The following TDRD10 variants were observed in gnomAD, a reference collection of about 807,000 sequenced individuals.
TDRD10 encodes tudor domain-containing protein 10.
Under a neutral mutation model 48.0 loss-of-function variants are expected in TDRD10, and 40 were observed. That is an observed-to-expected ratio of 0.83 (90% CI 0.65 to 1.09). The LOEUF is 1.09. TDRD10 is among the 50% of genes least tolerant of loss of function. The probability of loss-of-function intolerance (pLI) is 0.00; values close to 1 mark genes in which losing one functional copy is unlikely to be tolerated. For synonymous variants in TDRD10, 162 were observed against 170.4 expected (o/e 0.95, Z 0.38); for missense variants, 378 against 434.7 (o/e 0.87, Z 1.16).
intron 4 of TDRD10, among the ~76,000 whole-genome samples, chr1:154,510,045 C>G (rs140566914): frequency 1.6e-4 from 24 of 152,218 alleles, no homozygotes; most frequent in African/African-American, 5.8e-4. Context: ...TGCCTTCTTT[C>G]GACTCAAACT....
chr1:154,507,216 C>G, intron 2 of TDRD10, 25 bp from the exon 3 acceptor site: 1 of 1,613,582 alleles, frequency 6.2e-7, no homozygotes, highest in Non-Finnish European at 8.5e-7. Context: ...TTGGGAGGTT[C>G]GATGCTGACA....
intron 6 of TDRD10, among the ~76,000 whole-genome samples, chr1:154,530,784 G>A (rs568004324): frequency 2.8e-4 from 42 of 151,934 alleles, no homozygotes; most frequent in African/African-American, 8.5e-4. Flanking sequence ...TCCAGTCACC[G>A]GTTCTTTCTT....
At chr1:154,516,234 G>C (rs751760002) in intron 4 of TDRD10, among the ~76,000 whole-genome samples, 1 of 152,232 alleles carries the variant, frequency 6.6e-6, no homozygotes, top group African/African-American at 2.4e-5. Context: ...AGCAGGAGGG[G>C]TGTATGGGGT....
At chr1:154,508,568 T>A in intron 4 of TDRD10, 87 bp downstream of exon 4, 1 of 903,222 alleles carries the variant, frequency 1.1e-6, no homozygotes. Context: ...TTCCCCAGTT[T>A]TTAAAGACGT....
Position 154,506,792 on chromosome 1 carries a change from T to C in TDRD10, c.-27-85T>C, listed in dbSNP as rs1342487046. The C allele has an allele frequency of 4.1e-6, 5 of 1,220,470 alleles. No homozygotes were observed. In the South Asian group the frequency reaches 4.9e-5, roughly 12 times the overall value. The allele number at this position is 1,220,470 out of a possible 1,614,324, so 75.6% of individuals were successfully genotyped here. A position where few individuals can be genotyped will look rare whatever the true frequency, so the allele number is the denominator to read the frequency against. ...CCACTTTTGGTTGGGGAGGCATTAT[T>C]CTGCTTACCACAGTACCTATTCGGT... On this transcript the variant is annotated intron_variant, in intron 1 of 12. Coordinates refer to ENST00000368482, the MANE Select transcript of TDRD10 (RefSeq NM_182499.4).
At chr1:154,526,690 T>G (rs1255377946) in intron 6 of TDRD10, among the ~76,000 whole-genome samples, 2 of 151,992 alleles carry the variant, frequency 1.3e-5, no homozygotes, top group Admixed American at 6.6e-5. Flanking sequence ...CCTGACCTTG[T>G]GATCTGCCCT....
Position 154,529,546 on chromosome 1 carries a change from ATTT to A in TDRD10, c.369+8081_369+8083del, listed in dbSNP as rs56210038. Among the ~76,000 whole-genome samples, 595 of 130,638 alleles carry A rather than the reference ATTT, an allele frequency of 4.6e-3. 1 individual carries two copies. The highest frequency in any genetic ancestry group is 9.2e-3 in the African/African-American group (333 of 36,016). The allele number at this position is 130,638 out of a possible 152,430, so 85.7% of individuals were successfully genotyped here. A position where few individuals can be genotyped will look rare whatever the true frequency, so the allele number is the denominator to read the frequency against. On this transcript the variant is annotated intron_variant, in intron 6 of 12. Coordinates refer to ENST00000368482, the MANE Select transcript of TDRD10 (RefSeq NM_182499.4). ...ATTTACCCATATTTTTTCTGTGTTC[ATTT>A]TTTTTTTTTTTTTGAGACGGAGTTT...
At chr1:154,507,528 G>A (rs1053429372) in intron 3 of TDRD10, among the ~76,000 whole-genome samples, 2 of 151,998 alleles carry the variant, frequency 1.3e-5, no homozygotes, top group African/African-American at 2.4e-5. Context: ...CTTACTCCCT[G>A]GTGCACCCGC....
At chr1:154,505,661 G>A (rs1412248021) in intron 1 of TDRD10, among the ~76,000 whole-genome samples, 1 of 152,142 alleles carries the variant, frequency 6.6e-6, no homozygotes, top group Non-Finnish European at 1.5e-5. Flanking sequence ...CTTGTTATCT[G>A]TAGAAAGAGA....
At chr1:154,533,912 T>C (rs1694787279) in intron 6 of TDRD10, among the ~76,000 whole-genome samples, 1 of 149,892 alleles carries the variant, frequency 6.7e-6, no homozygotes, top group Admixed American at 6.7e-5. Flanking sequence ...TAATTTTCTA[T>C]TGTTTGTAGA....
At chr1:154,503,121 G>C (rs1245601741) in intron 1 of TDRD10, 92 bp downstream of exon 1, 2 of 152,266 alleles carry the variant, frequency 1.3e-5, no homozygotes, top group African/African-American at 4.8e-5. Flanking sequence ...CCCTCGTCCC[G>C]ACTGATGGGG....
chr1:154,509,226 CT>C (rs1570895248), intron 4 of TDRD10, among the ~76,000 whole-genome samples: 1 of 151,542 alleles, frequency 6.6e-6, no homozygotes, highest in African/African-American at 2.4e-5. Context: ...AGAAACTAAC[CT>C]TTGTGGAACC....
chr1:154,520,659 A>G (rs2149326100), intron 5 of TDRD10, among the ~76,000 whole-genome samples: 1 of 152,168 alleles, frequency 6.6e-6, no homozygotes, highest in South Asian at 2.1e-4. Context: ...TTACTATACC[A>G]CCCTAAGCCT....
chr1:154,533,400 G>A (rs891925697), intron 6 of TDRD10, among the ~76,000 whole-genome samples: 1 of 144,262 alleles, frequency 6.9e-6, no homozygotes, highest in African/African-American at 2.6e-5. Context: ...CTGGGTTGCT[G>A]GCCTCTTCAA....
intron 4 of TDRD10, among the ~76,000 whole-genome samples, chr1:154,514,879 T>TTATTTATTTATTTAG (rs1693673318): frequency 6.6e-6 from 1 of 151,236 alleles, no homozygotes; most frequent in East Asian, 1.9e-4. Context: ...TATTTATTTT[T>TTATTTATTTATTTAG]TTTTTTGAGA....
chr1:154,532,846 G>A (rs1047496495), intron 6 of TDRD10, among the ~76,000 whole-genome samples: 1 of 152,204 alleles, frequency 6.6e-6, no homozygotes, highest in African/African-American at 2.4e-5. Flanking sequence ...TCCCTACTCA[G>A]CCTCTAAGGC....
intron 10 of TDRD10, 74 bp from the exon 11 acceptor site, chr1:154,544,721 C>T: frequency 6.4e-7 from 1 of 1,557,496 alleles, no homozygotes; most frequent in Non-Finnish European, 8.7e-7. Context: ...CTTTCACATC[C>T]ACTTTGTTGA....
At chr1:154,526,527 C>T (rs1435323261) in intron 6 of TDRD10, among the ~76,000 whole-genome samples, 16 of 151,160 alleles carry the variant, frequency 1.1e-4, no homozygotes, top group Admixed American at 9.9e-4. Flanking sequence ...CAAATGAGAG[C>T]TTACTGCAAC....
intron 6 of TDRD10, among the ~76,000 whole-genome samples, chr1:154,530,723 G>T (rs371372516): frequency 6.6e-6 from 1 of 151,744 alleles, no homozygotes; most frequent in Non-Finnish European, 1.5e-5. Context: ...AGGTTTTCTC[G>T]GTCTACTGTC....
Sources: allele counts gnomAD v4.1 joint callset (sites outside exome capture counted in the v4.1 genomes callset), GRCh38; gene constraint gnomAD v4.1.1; transcripts MANE v1.5; gene names NCBI Gene and HGNC (gene_info 2026-07-23, HGNC 2026-07-21).